DGKD: variants seen among roughly 807,000 people sequenced by gnomAD.
DGKD encodes DAG kinase delta.
In DGKD, 68 loss-of-function variants were observed where a neutral mutation model predicts 154.4. The ratio of observed to expected loss-of-function variants is 0.44; its 90% CI spans 0.36 to 0.54. The LOEUF (loss-of-function observed/expected upper bound fraction) is 0.54. DGKD is among the 20% of genes least tolerant of loss of function. The pLI, the probability that DGKD is intolerant of heterozygous loss-of-function variation, is 0.00. For synonymous variants in DGKD, 693 were observed against 638.0 expected, an observed-to-expected ratio of 1.09 and a Z score of -1.30; for missense variants, 1,343 against 1,593.6, an observed-to-expected ratio of 0.84 and a Z score of 2.68.
chr2:233,425,796 A>G (rs1026191293), intron 3 of DGKD, among the ~76,000 whole-genome samples: 1 of 152,224 alleles, frequency 6.6e-6, no homozygotes, highest in Admixed American at 6.5e-5. Context: ...CCAGCCTTAT[A>G]TTGATCACTA....
At chr2:233,420,773 G>T (rs6753242) in intron 3 of DGKD, among the ~76,000 whole-genome samples, 17,068 of 152,192 alleles carry the variant, frequency 0.11, 1,123 homozygotes, top group African/African-American at 0.17. Context: ...GACAGGCGCG[G>T]CCTGAGTTGA....
chr2:233,423,579 G>T (rs2062190004), intron 3 of DGKD, among the ~76,000 whole-genome samples: 1 of 152,130 alleles, frequency 6.6e-6, no homozygotes, highest in African/African-American at 2.4e-5. Context: ...CTCATTTCCA[G>T]GTGGTATAGG....
Position 233,437,367 on chromosome 2 carries a change from CTT to C in DGKD, c.820-9_820-8del, listed in dbSNP as rs1468502831. ...AGTGACCCTTGGTGACGCGGGGACT[CTT>C]GTTTCAGGTTCACACATCGTGTAAA... On this transcript the variant is annotated splice_region_variant and splice_polypyrimidine_tract_variant and intron_variant, in intron 7 of 29. Transcript: ENST00000264057. 20 of 1,613,778 alleles carry C rather than the reference CTT, an allele frequency of 1.2e-5. No homozygotes were observed. The highest frequency in any genetic ancestry group is 2.2e-5 in the East Asian group (1 of 44,886).
chr2:233,406,697 G>GA (rs1269450974), intron 3 of DGKD, among the ~76,000 whole-genome samples: 1 of 152,174 alleles, frequency 6.6e-6, no homozygotes, highest in Admixed American at 6.5e-5. Context: ...GAAATTCTGA[G>GA]AAGGAGTTCA....
intron 3 of DGKD, among the ~76,000 whole-genome samples, chr2:233,397,167 C>CAG (rs1575039155): frequency 3.3e-4 from 18 of 53,906 alleles, no homozygotes; most frequent in South Asian, 7.6e-4. Flanking sequence ...GCGGGGGGGG[C>CAG]CAGAGTGAGA....
chr2:233,365,018 G>A (rs72978375), intron 1 of DGKD, among the ~76,000 whole-genome samples: 17,481 of 152,108 alleles, frequency 0.11, 1,167 homozygotes, highest in African/African-American at 0.17. Flanking sequence ...ATAAAGATAT[G>A]CTGATAAATG....
Position 233,421,480 on chromosome 2 carries a change from G to T in DGKD, c.349-12900G>T, listed in dbSNP as rs750887. On this transcript the variant is annotated intron_variant, in intron 3 of 29. Transcript: ENST00000264057. ...AATGATGCTTTCAAAACTTGAGCTT[G>T]CATGGCTTCTTATTTTACGTGGAGT... 5.4e-3 allele frequency among the ~76,000 whole-genome samples: 825 copies of T among 152,296 alleles called. 6 individuals are homozygous for T. The highest frequency in any genetic ancestry group is 0.019 in the African/African-American group (778 of 41,556).
At chr2:233,382,156 C>T (rs1317386963) in intron 1 of DGKD, among the ~76,000 whole-genome samples, 1 of 152,176 alleles carries the variant, frequency 6.6e-6, no homozygotes, top group African/African-American at 2.4e-5. Flanking sequence ...ATTGCTTGAA[C>T]CTGGGAGGCG....
chr2:233,432,982 A>G (rs1439786429), intron 3 of DGKD, among the ~76,000 whole-genome samples: 3 of 152,258 alleles, frequency 2.0e-5, no homozygotes, highest in Non-Finnish European at 2.9e-5. Context: ...GGAACCGTAC[A>G]CTGCTGGTAG....
Position 233,437,418 on chromosome 2 carries a change from A to C in DGKD, c.861A>C (p.Pro287=). Residue 287 remains proline, a synonymous_variant, in exon 8 of 30, where the codon CCA becomes CCC. Transcript: ENST00000264057. ...SCKESLLTKC[P]LGLCKVSVIP... ...AAGAATCCTTGCTGACCAAGTGCCC[A>C]CTTGGCCTGTGCAAAGTGTCAGTCA... The C allele has an allele frequency of 6.2e-7, 1 of 1,614,236 alleles. No homozygotes were observed. Among genetic ancestry groups the C allele is most frequent in the Non-Finnish European group, 8.5e-7 (1 of 1,180,048 alleles).
Position 233,470,973 on chromosome 2 carries a change from A to T in DGKD, c.*1513A>T, listed in dbSNP as rs2063995783. The T allele has an allele frequency of 1.3e-5, 2 of 152,602 alleles. No individual in the cohort carries two copies. The allele number at this position is 152,602 out of a possible 1,614,324, so 9.5% of individuals were successfully genotyped here. A position where few individuals can be genotyped will look rare whatever the true frequency, so the allele number is the denominator to read the frequency against. ...CTGGGCTGCACCTGCGGGGGTGGGC[A>T]TAGACCGGGCTGGGTCTGCAGCAGC... On this transcript the variant is annotated 3_prime_UTR_variant, in exon 30 of 30. Transcript: ENST00000264057.
rs200044591 is a variant in DGKD, at chr2:233,428,876, TG to T, written c.349-5503del. On this transcript the variant is annotated intron_variant, in intron 3 of 29. Coordinates refer to ENST00000264057, the MANE Select transcript of DGKD (RefSeq NM_152879.3). ...CAGGCACAAATAAGAGGTTTTTTTT[TG>T]TTGTTGTTGTTGTTGTTCTGTTTTT... is the stretch of plus-strand genomic sequence containing the variant. 9.5e-3 allele frequency among the ~76,000 whole-genome samples: 1,433 copies of T among 150,294 alleles called. 22 individuals are homozygous for T. The highest frequency in any genetic ancestry group is 0.033 in the African/African-American group (1,342 of 41,232).
intron 11 of DGKD, 131 bp from the exon 12 acceptor site, chr2:233,446,581 C>G: frequency 1.2e-6 from 1 of 849,452 alleles, no homozygotes; most frequent in Non-Finnish European, 1.8e-6. Context: ...AGAGTCAAGA[C>G]CAAGGGCCTA....
At chr2:233,450,319 C>T (rs558467767) in intron 16 of DGKD, among the ~76,000 whole-genome samples, 188 bp downstream of exon 16, 142 of 152,184 alleles carry the variant, frequency 9.3e-4, no homozygotes, top group Non-Finnish European at 1.4e-3. Flanking sequence ...TGGGTGTGTG[C>T]GGTCTGTCTT....
intron 1 of DGKD, among the ~76,000 whole-genome samples, chr2:233,383,532 A>G (rs1222026750): frequency 6.6e-6 from 1 of 152,116 alleles, no homozygotes; most frequent in Non-Finnish European, 1.5e-5. Flanking sequence ...TTTCTATTAC[A>G]TTTAAGAAAC....
chr2:233,371,558 T>G (rs1702323737), intron 1 of DGKD, among the ~76,000 whole-genome samples: 1 of 152,252 alleles, frequency 6.6e-6, no homozygotes, highest in Non-Finnish European at 1.5e-5. Context: ...AAGTCCAATT[T>G]TTTTCTTTTG....
chr2:233,356,091 G>A (rs967298193), intron 1 of DGKD, among the ~76,000 whole-genome samples: 2 of 152,222 alleles, frequency 1.3e-5, no homozygotes, highest in Admixed American at 6.5e-5. Context: ...GAAACTCGGG[G>A]CAGAGACCTG....
intron 4 of DGKD, 32 bp from the exon 5 acceptor site, chr2:233,434,737 T>C (rs2062633729): frequency 5.0e-6 from 8 of 1,594,070 alleles, no homozygotes; most frequent in Non-Finnish European, 6.8e-6. Flanking sequence ...AAGAGAAGTC[T>C]TATCTTTGCC....
intron 27 of DGKD, among the ~76,000 whole-genome samples, chr2:233,464,762 C>T (rs1371450446): frequency 3.3e-5 from 5 of 152,212 alleles, no homozygotes; most frequent in Admixed American, 2.0e-4. Flanking sequence ...CAGGGCATAG[C>T]GGACCCTGGG....
Sources: gnomAD v4.1 joint callset for allele counts (sites outside exome capture counted in the v4.1 genomes callset) on GRCh38, gnomAD v4.1.1 for gene constraint, MANE v1.5 for transcripts, NCBI Gene and HGNC (gene_info 2026-07-23, HGNC 2026-07-21) for gene names.